ODAD2: variants seen among roughly 807,000 people sequenced by gnomAD.
ODAD2 encodes outer dynein arm-docking complex subunit 2.
A neutral mutation model predicts 106.8 loss-of-function variants in ODAD2; 89 were observed. The ratio of observed to expected loss-of-function variants is 0.83; its 90% confidence interval spans 0.70 to 0.99. The LOEUF (loss-of-function observed/expected upper bound fraction) is 0.99. ODAD2 is among the 50% of genes least tolerant of loss of function. The pLI is 0.00. For missense variants in ODAD2, 1,168 were observed against 1,238.5 expected, an observed-to-expected ratio of 0.94 and a Z score of 0.85; for synonymous variants, 404 against 436.2, an observed-to-expected ratio of 0.93 and a Z score of 0.92.
intron 19 of ODAD2, among the ~76,000 whole-genome samples, chr10:27,836,638 G>A (rs1161213713): frequency 2.0e-5 from 3 of 152,150 alleles, no homozygotes; most frequent in Non-Finnish European, 4.4e-5. Flanking sequence ...GGGCCTATGA[G>A]CTTGCAGGGT....
intron 17 of ODAD2, 90 bp from the exon 18 acceptor site, chr10:27,862,712 G>C (rs1242628363): frequency 1.2e-6 from 1 of 859,772 alleles, no homozygotes; most frequent in East Asian, 2.8e-5. Flanking sequence ...ACAGCTGTGA[G>C]GTACATCTTT....
intron 17 of ODAD2, among the ~76,000 whole-genome samples, chr10:27,886,997 A>C (rs531816632): frequency 6.6e-6 from 1 of 152,160 alleles, no homozygotes; most frequent in East Asian, 1.9e-4. Context: ...AACAAAGCAC[A>C]AAACAGCAAA....
intron 16 of ODAD2, among the ~76,000 whole-genome samples, chr10:27,924,355 A>G (rs1564510021): frequency 6.6e-6 from 1 of 151,840 alleles, no homozygotes; most frequent in Non-Finnish European, 1.5e-5. Flanking sequence ...AAAGTACTAT[A>G]CATCAAAATT....
intron 19 of ODAD2, among the ~76,000 whole-genome samples, chr10:27,832,360 T>G (rs1837539853): frequency 6.6e-6 from 1 of 152,180 alleles, no homozygotes; most frequent in Admixed American, 6.5e-5. Context: ...TTCAAATACC[T>G]TTAGCTTCTT....
At chr10:27,837,594 T>A (rs7074114) in intron 19 of ODAD2, among the ~76,000 whole-genome samples, 7,039 of 152,246 alleles carry the variant, frequency 0.046, 525 homozygotes, top group African/African-American at 0.16. Context: ...GAATGATGGT[T>A]TTCACTGCTG....
chr10:27,894,589 T>G (rs1382066102), intron 17 of ODAD2, among the ~76,000 whole-genome samples: 1 of 152,184 alleles, frequency 6.6e-6, no homozygotes, highest in Non-Finnish European at 1.5e-5. Context: ...AAAAGAAATT[T>G]TTTTTGAGAC....
intron 17 of ODAD2, among the ~76,000 whole-genome samples, chr10:27,905,857 A>G (rs1231287539): frequency 6.6e-6 from 1 of 152,230 alleles, no homozygotes; most frequent in Non-Finnish European, 1.5e-5. Context: ...ACCTTATACA[A>G]AAATTAACTC....
At chr10:27,987,576 A>G in intron 2 of ODAD2, 33 bp from the exon 3 acceptor site, 1 of 1,540,142 alleles carries the variant, frequency 6.5e-7, no homozygotes, top group East Asian at 2.3e-5. Flanking sequence ...TGAAAGCTTC[A>G]TGCTACCTAG....
At chr10:27,935,889 A>C (rs1020707301) in intron 15 of ODAD2, among the ~76,000 whole-genome samples, 1 of 150,980 alleles carries the variant, frequency 6.6e-6, no homozygotes, top group East Asian at 1.9e-4. Flanking sequence ...CACACACACC[A>C]AAAGGAAGCA....
intron 16 of ODAD2, among the ~76,000 whole-genome samples, chr10:27,918,900 A>G (rs1844580621): frequency 6.8e-6 from 1 of 147,522 alleles, no homozygotes; most frequent in Admixed American, 6.7e-5. Flanking sequence ...TTATGTATCC[A>G]TTACTTGTAA....
intron 19 of ODAD2, among the ~76,000 whole-genome samples, chr10:27,840,843 T>A (rs770296963): frequency 1.8e-3 from 274 of 152,202 alleles, no homozygotes; most frequent in Non-Finnish European, 2.6e-3. Context: ...AGTTATGAAG[T>A]AATTTATTGA....
At chr10:27,828,755 G>A (rs1208799510) in intron 19 of ODAD2, among the ~76,000 whole-genome samples, 2 of 152,086 alleles carry the variant, frequency 1.3e-5, no homozygotes, top group East Asian at 3.9e-4. Flanking sequence ...TCTAGGAAAT[G>A]CTAAGAATTT....
chr10:27,914,951 A>G (rs529509979), intron 16 of ODAD2, among the ~76,000 whole-genome samples: 1 of 152,138 alleles, frequency 6.6e-6, no homozygotes, highest in African/African-American at 2.4e-5. Flanking sequence ...GTGAAATATT[A>G]TTAAATGAAA....
rs183878259 is a variant in ODAD2, at chr10:27,983,862, C to A, written c.800G>T (p.Gly267Val). The A allele has an allele frequency of 1.2e-4, 196 of 1,613,350 alleles. No individual in the cohort carries two copies. Among genetic ancestry groups the A allele is most frequent in the Non-Finnish European group, 1.6e-4 (192 of 1,179,834 alleles). ...ACTTACACCATTTAAAAATACTCCTCCTGCACTGCAAGTAATGCACAGAGT... is the reference window on the plus strand; with the variant it reads ...ACTTACACCATTTAAAAATACTCCTACTGCACTGCAAGTAATGCACAGAGT... ...GETLCITCSA[G>V]GVFLNGGKTD... Residue 267 changes from glycine (G) to valine (V), a missense_variant, in exon 6 of 20, where the codon GGA (glycine) becomes GTA (valine). Physicochemically the swap from Gly to Val is moderately radical, Grantham distance 109. Transcript: ENST00000305242.
intron 19 of ODAD2, among the ~76,000 whole-genome samples, chr10:27,834,633 G>T (rs559535845): frequency 3.3e-4 from 50 of 152,316 alleles, no homozygotes; most frequent in Non-Finnish European, 6.0e-4. Flanking sequence ...GCAGGGGGCA[G>T]ATCGTGAAAG....
chr10:27,858,803 A>AT (rs9299592), intron 19 of ODAD2, among the ~76,000 whole-genome samples: 50,397 of 128,592 alleles, frequency 0.39, 11,527 homozygotes, highest in East Asian at 0.56. Context: ...ACCTTAGTAC[A>AT]TTTTTTTTTT....
chr10:27,891,182 C>CA (rs1842537220), intron 17 of ODAD2, among the ~76,000 whole-genome samples: 1 of 152,136 alleles, frequency 6.6e-6, no homozygotes, highest in South Asian at 2.1e-4. Context: ...TGTGTTCTGT[C>CA]ACACCTGTGG....
intron 16 of ODAD2, among the ~76,000 whole-genome samples, chr10:27,927,290 C>T (rs564984833): frequency 6.6e-6 from 1 of 152,012 alleles, no homozygotes; most frequent in Non-Finnish European, 1.5e-5. Context: ...GATATGTGAC[C>T]CAAGTTTTTA....
chr10:27,827,379 C>CTATATATATATATATATA (rs10580710), intron 19 of ODAD2, among the ~76,000 whole-genome samples: 154 of 132,412 alleles, frequency 1.2e-3, no homozygotes, highest in African/African-American at 3.8e-3. Flanking sequence ...CACACACACA[C>CTATATATATATATATATA]TATATATATA....
Sources: gnomAD v4.1 joint callset for allele counts (sites outside exome capture counted in the v4.1 genomes callset) on GRCh38, gnomAD v4.1.1 for gene constraint, MANE v1.5 for transcripts, NCBI Gene and HGNC (gene_info 2026-07-23, HGNC 2026-07-21) for gene names.